Variants in FRMD1 observed in about 807,000 individuals in gnomAD.
The protein encoded by FRMD1 is FERM domain containing 1, also known as FERM domain-containing protein 1.
A neutral mutation model predicts 54.9 loss-of-function variants in FRMD1; 51 were observed. That is an observed-to-expected ratio of 0.93 (90% CI 0.74 to 1.17). The LOEUF (loss-of-function observed/expected upper bound fraction) is 1.17. Among genes scored for constraint, FRMD1 ranks in the 50% most tolerant of loss-of-function variants. FRMD1 has a pLI of 0.00. For synonymous variants in FRMD1, 324 were observed against 306.4 expected (o/e 1.06, Z -0.60); for missense variants, 729 against 743.0 (o/e 0.98, Z 0.22).
At chr6:168,068,626 A>T (rs1288993780) in intron 2 of FRMD1, among the ~76,000 whole-genome samples, 14 of 152,218 alleles carry the variant, frequency 9.2e-5, no homozygotes, top group Non-Finnish European at 1.6e-4. Context: ...TATGTTCAAC[A>T]TGAGGTTAGT....
At chr6:168,079,481 G>A (rs1439378476), upstream of FRMD1, among the ~76,000 whole-genome samples, 2 of 152,218 alleles carry the variant, frequency 1.3e-5, no homozygotes, top group Non-Finnish European at 2.9e-5. Context: ...ATAATGTGGA[G>A]AGGGCTATGC....
chr6:168,075,685 G>C, intron 1 of FRMD1: 1 of 1,397,480 alleles, frequency 7.2e-7, no homozygotes, highest in Middle Eastern at 1.8e-4. Context: ...CTCTGTCCTC[G>C]CACGGCACAA....
intron 2 of FRMD1, among the ~76,000 whole-genome samples, chr6:168,073,249 G>A (rs1012862405): frequency 6.6e-6 from 1 of 152,084 alleles, no homozygotes; most frequent in South Asian, 2.1e-4. Flanking sequence ...TCGGGTGGGG[G>A]CTGCCTGACA....
intron 1 of FRMD1, 87 bp downstream of exon 1, chr6:168,078,785 CGGCCACCCAG>C (rs1292306917): frequency 3.4e-5 from 3 of 88,010 alleles, no homozygotes; most frequent in Admixed American, 1.2e-4. Flanking sequence ...CTCACCCCCA[CGGCCACCCAG>C]GGCCCTGCTC....
intron 1 of FRMD1, among the ~76,000 whole-genome samples, chr6:168,088,394 A>T (rs1800958157): frequency 6.6e-6 from 1 of 152,108 alleles, no homozygotes; most frequent in Non-Finnish European, 1.5e-5. Flanking sequence ...GGCGAGCACA[A>T]AGGCCTCTCA....
chr6:168,061,119 G>A, intron 8 of FRMD1, 62 bp from the exon 9 acceptor site: 1 of 1,516,258 alleles, frequency 6.6e-7, no homozygotes, highest in Non-Finnish European at 8.9e-7. Flanking sequence ...GCTGATGCAG[G>A]AGGAAGAGCC....
At chr6:168,076,086 G>A (rs1800581131) in intron 1 of FRMD1, among the ~76,000 whole-genome samples, 2 of 152,298 alleles carry the variant, frequency 1.3e-5, no homozygotes, top group African/African-American at 4.8e-5. Context: ...CAGCGCTGGG[G>A]CCCATCCCTG....
At chr6:168,071,607 C>T (rs965508967) in intron 2 of FRMD1, among the ~76,000 whole-genome samples, 3 of 152,182 alleles carry the variant, frequency 2.0e-5, no homozygotes, top group Non-Finnish European at 2.9e-5. Flanking sequence ...CCAGTGAGCT[C>T]GGCCACAGGC....
At position 168,075,316 on chromosome 6, in the gene FRMD1, T is replaced by G; in HGVS notation, c.233A>C (p.Glu78Ala). Residue 78 changes from glutamate to alanine, a missense_variant, in exon 2 of 11, where the codon GAG becomes GCG. Transcript: ENST00000283309. ...CACGTTGCACACTTGCTGGAAAAGCTCGCGGCCAGTAGCCTTCACCTGCAA... is the reference window on the plus strand; with the variant it reads ...CACGTTGCACACTTGCTGGAAAAGCGCGCGGCCAGTAGCCTTCACCTGCAA... ...LAVGVKATGR[E>A]LFQQVCNVAS... 6.2e-7 allele frequency: 1 copy of G among 1,613,166 alleles called. No individual in the cohort carries two copies. The highest frequency in any genetic ancestry group is 1.1e-5 in the South Asian group (1 of 91,074).
intron 1 of FRMD1, among the ~76,000 whole-genome samples, chr6:168,089,521 G>A (rs1800978832): frequency 6.6e-6 from 1 of 152,198 alleles, no homozygotes; most frequent in Non-Finnish European, 1.5e-5. Context: ...ACCGAGGCAG[G>A]AATGGCCGCC....
rs1428512928 is a variant in FRMD1 at position 168,053,478 on chromosome 6, T to C, written c.*3619A>G. 6.6e-6 allele frequency: 1 copy of C among 152,394 alleles called. No individual in the cohort carries two copies. The highest frequency in any genetic ancestry group is 1.5e-5 in the Non-Finnish European group (1 of 68,220). The allele number at this position is 152,394 out of a possible 1,614,324, so 9.4% of individuals were successfully genotyped here. On this transcript the variant is annotated 3_prime_UTR_variant, in exon 11 of 11. Coordinates refer to ENST00000283309, the MANE Select transcript of FRMD1 (RefSeq NM_024919.6). ...CTCCTACAGGTAGAGACGACATGACTGGGAACCCCGAAACGTCTCCCAGCA... is the reference window on the plus strand; with the variant it reads ...CTCCTACAGGTAGAGACGACATGACCGGGAACCCCGAAACGTCTCCCAGCA...
chr6:168,063,519 G>A, intron 6 of FRMD1, 82 bp downstream of exon 6: 1 of 1,430,374 alleles, frequency 7.0e-7, no homozygotes, highest in Non-Finnish European at 9.2e-7. Flanking sequence ...CTGGGGTCCT[G>A]ATCCCACTCA....
upstream of FRMD1, among the ~76,000 whole-genome samples, chr6:168,086,141 C>T (rs1271447557): frequency 6.6e-6 from 1 of 152,184 alleles, no homozygotes; most frequent in Admixed American, 6.5e-5. Context: ...GCGTGGACAC[C>T]TATACCCCAG....
In FRMD1 at chr6:168,053,714, T is replaced by G. The variant is rs1435484940; in HGVS notation, c.*3383A>C. The G allele has an allele frequency of 6.6e-6, 1 of 152,268 alleles. No homozygotes were observed. The highest frequency in any genetic ancestry group is 2.4e-5 in the African/African-American group (1 of 41,462). The allele number at this position is 152,268 out of a possible 1,614,324, so 9.4% of individuals were successfully genotyped here. A position where few individuals can be genotyped will look rare whatever the true frequency, so the allele number is the denominator to read the frequency against. ...CTCGCAGGGCCGCAGAGCTCAGCTT[T>G]CCCCGTGGCTCTGGCACATTTCCCC... On this transcript the variant is annotated 3_prime_UTR_variant, in exon 11 of 11. Transcript: ENST00000283309.
Position 168,055,740 on chromosome 6 carries a change from CTGAG to C in FRMD1, c.*1353_*1356del, listed in dbSNP as rs1241668194. ...ACGCAGCCTTCTGTGGCCGATGCCC[CTGAG>C]TGAGTTACAGCCGGCATCTCACCAG... On this transcript the variant is annotated 3_prime_UTR_variant, in exon 11 of 11. Coordinates refer to ENST00000283309, the MANE Select transcript of FRMD1 (RefSeq NM_024919.6). 1 of 152,158 alleles carries C rather than the reference CTGAG, an allele frequency of 6.6e-6. No homozygotes were observed. The highest frequency in any genetic ancestry group is 1.5e-5 in the Non-Finnish European group (1 of 68,040). 9.4% of individuals were successfully genotyped at this position (152,158 alleles called of 1,614,324 possible).
rs954442560 is a variant in FRMD1 at position 168,063,598 on chromosome 6, G to A, written c.804+3C>T. 1.9e-5 allele frequency: 31 copies of A among 1,608,168 alleles called. No individual in the cohort carries two copies. The highest frequency in any genetic ancestry group is 9.4e-5 in the African/African-American group (7 of 74,856). On this transcript the variant is annotated splice_donor_region_variant and intron_variant, in intron 6 of 10. Coordinates refer to ENST00000283309, the MANE Select transcript of FRMD1 (RefSeq NM_024919.6). ...GCCCATCGCTGGCCGCCCTGGGCTC[G>A]ACCTTGTGCAGCCTGAAGAAGTGCA...
Position 168,059,044 on chromosome 6 carries a change from C to G in FRMD1, c.1407+80G>C. On this transcript the variant is annotated intron_variant, in intron 10 of 10. Transcript: ENST00000283309. The surrounding 1 kb of genome is among the most constrained non-coding windows in gnomAD (Gnocchi z 4.4). ...CCCTCTGATAGGCCTAGGAAGGTCC[C>G]CAGGGCCCCTGACAGGGGACCTAGG... 8.5e-7 allele frequency: 1 copy of G among 1,181,190 alleles called. No individual in the cohort carries two copies. Among genetic ancestry groups the G allele is most frequent in the East Asian group, 2.5e-5 (1 of 39,270 alleles). The allele number at this position is 1,181,190 out of a possible 1,614,324, so 73.2% of individuals were successfully genotyped here. A position where few individuals can be genotyped will look rare whatever the true frequency, so the allele number is the denominator to read the frequency against.
intron 1 of FRMD1, among the ~76,000 whole-genome samples, chr6:168,088,999 C>T (rs1800970643): frequency 6.6e-6 from 1 of 152,226 alleles, no homozygotes; most frequent in African/African-American, 2.4e-5. Context: ...GCCAGTTTGG[C>T]TCCTGGGGAA....
intron 1 of FRMD1, among the ~76,000 whole-genome samples, chr6:168,092,174 T>C (rs550541159): frequency 3.3e-5 from 5 of 152,394 alleles, no homozygotes; most frequent in African/African-American, 1.2e-4. Flanking sequence ...CCGTCTGCTC[T>C]GAGGCTTGAT....
Sources: allele counts gnomAD v4.1 joint callset (sites outside exome capture counted in the v4.1 genomes callset), GRCh38; gene constraint gnomAD v4.1.1; non-coding constraint Gnocchi (gnomAD v3.1); transcripts MANE v1.5; gene names NCBI Gene and HGNC (gene_info 2026-07-23, HGNC 2026-07-21).